Variants in ARPP21 observed in about 807,000 individuals in gnomAD.
ARPP21 encodes cAMP-regulated phosphoprotein 21.
ARPP21 carries 69 observed loss-of-function variants against 113.2 expected under a neutral mutation model. The ratio of observed to expected loss-of-function variants is 0.61; its 90% confidence interval spans 0.50 to 0.74. ARPP21 has a LOEUF of 0.74. Among genes scored for constraint, ARPP21 ranks in the 30% least tolerant of loss-of-function variants. The pLI, the probability that ARPP21 is intolerant of heterozygous loss-of-function variation, is 0.00. For missense variants in ARPP21, 1,070 were observed against 1,037.4 expected (o/e 1.03, Z -0.43); for synonymous variants, 368 against 375.5 (o/e 0.98, Z 0.23).
At chr3:35,684,249 TTAGGAAA>T in intron 5 of ARPP21, 1 of 1,248,418 alleles carries the variant, frequency 8.0e-7, no homozygotes, top group South Asian at 2.7e-5. Context: ...CATATGAAAC[TTAGGAAA>T]TAGTGAATAA....
intron 14 of ARPP21, among the ~76,000 whole-genome samples, chr3:35,724,596 A>G (rs2093386597): frequency 6.6e-6 from 1 of 152,194 alleles, no homozygotes; most frequent in South Asian, 2.1e-4. Context: ...TTGCCTGGGA[A>G]CCACACTTCA....
chr3:35,662,278 G>A (rs1372428074), intron 1 of ARPP21, among the ~76,000 whole-genome samples: 1 of 152,178 alleles, frequency 6.6e-6, no homozygotes, highest in Non-Finnish European at 1.5e-5. Context: ...GAGCAGTGAT[G>A]AGGTGCCAGG....
chr3:35,723,595 G>C (rs147158533), intron 14 of ARPP21, among the ~76,000 whole-genome samples: 38 of 152,264 alleles, frequency 2.5e-4, no homozygotes, highest in African/African-American at 9.1e-4. Context: ...TCCTTAAAAT[G>C]TGAAAACCAA....
At chr3:35,690,838 T>C (rs1575863599) in intron 8 of ARPP21, 27 bp from the exon 9 acceptor site, 1 of 1,578,708 alleles carries the variant, frequency 6.3e-7, no homozygotes, top group Non-Finnish European at 8.6e-7. Context: ...AAATGCTGAT[T>C]CCACTTTTTC....
intron 19 of ARPP21, among the ~76,000 whole-genome samples, chr3:35,786,575 G>C (rs1409606467): frequency 6.6e-6 from 1 of 151,788 alleles, no homozygotes; most frequent in Non-Finnish European, 1.5e-5. Context: ...ACATAAATTG[G>C]GAGGTTGGCA....
chr3:35,653,082 G>T (rs1457684647), intron 1 of ARPP21, among the ~76,000 whole-genome samples: 1 of 151,990 alleles, frequency 6.6e-6, no homozygotes, highest in Non-Finnish European at 1.5e-5. Context: ...GTGGCATTGT[G>T]ATTTCAAATA....
At chr3:35,779,635 C>T (rs2096475637) in intron 19 of ARPP21, among the ~76,000 whole-genome samples, 1 of 151,722 alleles carries the variant, frequency 6.6e-6, no homozygotes, top group South Asian at 2.1e-4. Context: ...CAAGTAATAC[C>T]ACCTCAAGGA....
rs2095546454 is a variant in ARPP21, at chr3:35,755,689, A to G, written c.2137+11724A>G. ...CGTGGTATCCCTAGAGCCAATGTAA[A>G]TTTGGCCCTCAGGATTTGTGACTTC... On this transcript the variant is annotated intron_variant, in intron 19 of 20. Transcript: ENST00000684406. Among the ~76,000 whole-genome samples, 8 of 152,196 alleles carry G rather than the reference A, an allele frequency of 5.3e-5. No homozygotes were observed. In the South Asian group the frequency reaches 1.7e-3, roughly 32 times the overall value.
Position 35,738,234 on chromosome 3 carries a change from T to C in ARPP21, c.1665T>C (p.Ala555=). ...TCCAGTCTGTCCAGGGGCTGCAGGC[T>C]TCCTCCCAGTCAGTGCAATATCCAG... is the stretch of plus-strand genomic sequence containing the variant. ...LVTQSVQGLQ[A]SSQSVQYPAV... The change falls in exon 17 of 21, where the codon GCT becomes GCC. Residue 555 remains alanine, a synonymous_variant. Coordinates refer to ENST00000684406, the MANE Select transcript of ARPP21 (RefSeq NM_001385562.1). 1 of 1,536,164 alleles carries C rather than the reference T, an allele frequency of 6.5e-7. No individual in the cohort carries two copies. The highest frequency in any genetic ancestry group is 8.7e-7 in the Non-Finnish European group (1 of 1,146,614).
rs1168077818 is a variant in ARPP21 at position 35,729,287 on chromosome 3, T to C, written c.1226-16T>C. Reference sequence around the variant, plus strand: ...TCTGTGTGTTCAATGATTTGTTGATTGTATCCCTATGCCAGGTTCCGAGTC... The same window carrying C: ...TCTGTGTGTTCAATGATTTGTTGATCGTATCCCTATGCCAGGTTCCGAGTC... On this transcript the variant is annotated splice_polypyrimidine_tract_variant and intron_variant, in intron 14 of 20. Transcript: ENST00000684406. The C allele has an allele frequency of 6.3e-7, 1 of 1,581,084 alleles. No individual in the cohort carries two copies. The highest frequency in any genetic ancestry group is 1.1e-5 in the South Asian group (1 of 90,432).
chr3:35,652,306 A>G (rs1389142778), intron 1 of ARPP21, among the ~76,000 whole-genome samples: 2 of 152,104 alleles, frequency 1.3e-5, no homozygotes, highest in African/African-American at 2.4e-5. Flanking sequence ...ATAAAATTAC[A>G]GTAAACTTGT....
chr3:35,766,314 A>G (rs2095975499), intron 19 of ARPP21, among the ~76,000 whole-genome samples: 1 of 152,136 alleles, frequency 6.6e-6, no homozygotes, highest in Non-Finnish European at 1.5e-5. Flanking sequence ...ACACATACTT[A>G]AGGTAATGTT....
intron 6 of ARPP21, among the ~76,000 whole-genome samples, chr3:35,688,581 TAAAC>T (rs959247176): frequency 1.2e-4 from 18 of 151,504 alleles, no homozygotes; most frequent in East Asian, 5.9e-4. Flanking sequence ...GCAGTAGACT[TAAAC>T]AAACAAACAA....
intron 19 of ARPP21, among the ~76,000 whole-genome samples, chr3:35,747,997 G>A (rs942296094): frequency 6.9e-6 from 1 of 145,756 alleles, no homozygotes; most frequent in South Asian, 2.2e-4. Context: ...GAGGAAGGAA[G>A]AAAGGAAGGA....
chr3:35,780,381 A>T (rs1487655805), intron 19 of ARPP21, among the ~76,000 whole-genome samples: 1 of 152,196 alleles, frequency 6.6e-6, no homozygotes, highest in African/African-American at 2.4e-5. Flanking sequence ...AGAATGAGGA[A>T]TGGGCAGTTG....
At chr3:35,717,934 C>A (rs73059250) in intron 13 of ARPP21, among the ~76,000 whole-genome samples, 73 of 152,110 alleles carry the variant, frequency 4.8e-4, no homozygotes, top group Admixed American at 1.4e-3. Context: ...GAAAGCAGAG[C>A]GACCATACCC....
Position 35,666,052 on chromosome 3 carries a change from G to A in ARPP21, c.-212-13735G>A, listed in dbSNP as rs1445009893. The stretch of plus-strand genomic sequence containing the variant: ...ACGGTTCAAAGAATAGTGGTTGGAA[G>A]TAGGAGCTGATTAAAAGTGGCAAAC... On this transcript the variant is annotated intron_variant, in intron 1 of 20. Coordinates refer to ENST00000684406, the MANE Select transcript of ARPP21 (RefSeq NM_001385562.1). Among the ~76,000 whole-genome samples, 3 of 152,090 alleles carry A rather than the reference G, an allele frequency of 2.0e-5. No individual in the cohort carries two copies. The East Asian group carries it at 5.8e-4, about 29-fold the overall frequency.
intron 9 of ARPP21, among the ~76,000 whole-genome samples, chr3:35,700,901 A>G (rs1013374121): frequency 6.6e-6 from 1 of 151,644 alleles, no homozygotes; most frequent in Non-Finnish European, 1.5e-5. Context: ...GGGGAGGAAT[A>G]GCATTAGGAG....
At chr3:35,753,871 A>C (rs1393173657) in intron 19 of ARPP21, among the ~76,000 whole-genome samples, 1 of 152,004 alleles carries the variant, frequency 6.6e-6, no homozygotes, top group East Asian at 1.9e-4. Flanking sequence ...GGAATTTACA[A>C]ATTTATTTAA....
Sources: allele counts gnomAD v4.1 joint callset (sites outside exome capture counted in the v4.1 genomes callset), GRCh38; gene constraint gnomAD v4.1.1; transcripts MANE v1.5; gene names NCBI Gene and HGNC (gene_info 2026-07-23, HGNC 2026-07-21).